The following COL24A1 variants were observed in gnomAD, a reference collection of about 807,000 sequenced individuals.
The protein encoded by COL24A1 is collagen alpha-1(XXIV) chain.
A neutral mutation model predicts 253.9 loss-of-function variants in COL24A1; 224 were observed. The ratio of observed to expected loss-of-function variants is 0.88; its 90% confidence interval spans 0.79 to 0.99. COL24A1 has a LOEUF of 0.99. Ranked by LOEUF, COL24A1 falls within the 50% of genes least tolerant of loss-of-function variation. The pLI is 0.00. For synonymous variants in COL24A1, 685 were observed against 673.7 expected (o/e 1.02, Z -0.26); for missense variants, 2,131 against 2,068.5 (o/e 1.03, Z -0.59).
chr1:85,964,146 G>A (rs532772283), intron 23 of COL24A1, among the ~76,000 whole-genome samples: 12 of 152,176 alleles, frequency 7.9e-5, no homozygotes, highest in East Asian at 5.8e-4. Flanking sequence ...TTCAGGAAAC[G>A]TAGTAATAAT....
At chr1:86,053,199 G>A (rs1480168565) in intron 10 of COL24A1, among the ~76,000 whole-genome samples, 1 of 151,986 alleles carries the variant, frequency 6.6e-6, no homozygotes, top group Non-Finnish European at 1.5e-5. Context: ...TGTAAAGTCA[G>A]CTAACATTTG....
At chr1:86,034,064 A>G (rs888273266) in intron 12 of COL24A1, 141 bp from the exon 13 acceptor site, 2 of 549,630 alleles carry the variant, frequency 3.6e-6, no homozygotes, top group African/African-American at 4.0e-5. Context: ...TTTGCATAAC[A>G]CGCTTAATTG....
intron 43 of COL24A1, among the ~76,000 whole-genome samples, chr1:85,836,092 T>C (rs963760798): frequency 6.6e-6 from 1 of 152,194 alleles, no homozygotes; most frequent in Non-Finnish European, 1.5e-5. Context: ...TCTTAACCCA[T>C]ACCTTTGCCC....
At chr1:86,035,879 C>T (rs1468790213) in intron 12 of COL24A1, among the ~76,000 whole-genome samples, 3 of 152,086 alleles carry the variant, frequency 2.0e-5, no homozygotes, top group Non-Finnish European at 4.4e-5. Flanking sequence ...AAACTGTTCT[C>T]TGGCTCACCT....
chr1:85,828,438 T>C (rs1006508919), intron 43 of COL24A1, among the ~76,000 whole-genome samples: 5 of 151,406 alleles, frequency 3.3e-5, no homozygotes, highest in African/African-American at 1.2e-4. Flanking sequence ...GTCTATTAGG[T>C]CTGCTTGGTG....
intron 31 of COL24A1, among the ~76,000 whole-genome samples, chr1:85,895,630 T>C (rs1441664041): frequency 6.6e-6 from 1 of 152,180 alleles, no homozygotes; most frequent in African/African-American, 2.4e-5. Context: ...AGAACTTATA[T>C]TCTTTTAGTC....
intron 37 of COL24A1, among the ~76,000 whole-genome samples, chr1:85,859,174 C>A (rs1476923721): frequency 6.6e-6 from 1 of 152,146 alleles, no homozygotes; most frequent in Non-Finnish European, 1.5e-5. Flanking sequence ...GTAACATTAA[C>A]ATTCATAACT....
chr1:86,090,433 A>T (rs1260497835), intron 6 of COL24A1, among the ~76,000 whole-genome samples: 1 of 152,198 alleles, frequency 6.6e-6, no homozygotes, highest in Non-Finnish European at 1.5e-5. Context: ...AACCTTGTGT[A>T]TGATCTATTA....
At chr1:85,818,177 A>T in intron 45 of COL24A1, 90 bp from the exon 46 acceptor site, 1 of 930,986 alleles carries the variant, frequency 1.1e-6, no homozygotes, top group South Asian at 1.4e-5. Flanking sequence ...TGGACGCTGC[A>T]GCAAGAACTA....
At chr1:86,151,924 A>G (rs1652831352) in intron 1 of COL24A1, among the ~76,000 whole-genome samples, 1 of 152,178 alleles carries the variant, frequency 6.6e-6, no homozygotes, top group Non-Finnish European at 1.5e-5. Context: ...ACAAATCTGA[A>G]AGACACACAC....
chr1:85,767,592 T>C (rs1212760912), intron 53 of COL24A1, among the ~76,000 whole-genome samples: 2 of 152,078 alleles, frequency 1.3e-5, no homozygotes, highest in African/African-American at 2.4e-5. Flanking sequence ...CAGTTATCAG[T>C]TACTCAACAA....
chr1:85,861,896 T>G (rs1395709206), intron 37 of COL24A1, among the ~76,000 whole-genome samples: 2 of 152,198 alleles, frequency 1.3e-5, no homozygotes, highest in African/African-American at 4.8e-5. Flanking sequence ...CCTTTTAGTT[T>G]TCTAAAAATA....
intron 2 of COL24A1, among the ~76,000 whole-genome samples, chr1:86,141,940 G>A (rs577664144): frequency 1.3e-5 from 2 of 151,808 alleles, no homozygotes; most frequent in East Asian, 3.9e-4. Flanking sequence ...CTCAGATAAT[G>A]TACCCGCCTC....
intron 32 of COL24A1, among the ~76,000 whole-genome samples, chr1:85,889,123 T>C (rs759694298): frequency 5.9e-5 from 9 of 152,146 alleles, no homozygotes; most frequent in Non-Finnish European, 1.2e-4. Context: ...TTTTGTACTG[T>C]TGATGTAACT....
At chr1:85,992,272 A>C (rs920208506) in intron 19 of COL24A1, among the ~76,000 whole-genome samples, 1 of 152,164 alleles carries the variant, frequency 6.6e-6, no homozygotes, top group South Asian at 2.1e-4. Context: ...TTATGGCTGC[A>C]TAGTATTCCA....
intron 23 of COL24A1, among the ~76,000 whole-genome samples, chr1:85,961,794 AAAGG>A (rs1691097407): frequency 6.6e-6 from 1 of 152,170 alleles, no homozygotes; most frequent in Non-Finnish European, 1.5e-5. Context: ...GAGTGAGAGC[AAAGG>A]GTGAAGTGCC....
chr1:85,904,645 T>C lies in COL24A1; in HGVS notation c.2778+2549A>G, dbSNP rs138147770. On this transcript the variant is annotated intron_variant, in intron 28 of 59. Transcript: ENST00000370571. ...ATAAATAATAATACTTTAAAGTTTA[T>C]GCCATGTTTCTTATCTAAGAATCTC... is the stretch of plus-strand genomic sequence containing the variant. Among the ~76,000 whole-genome samples, 164 of 152,320 alleles carry C rather than the reference T, an allele frequency of 1.1e-3. 1 individual carries two copies. The highest frequency in any genetic ancestry group is 3.7e-3 in the African/African-American group (154 of 41,572).
intron 24 of COL24A1, among the ~76,000 whole-genome samples, chr1:85,912,967 T>A (rs113851496): frequency 0.012 from 1,808 of 152,336 alleles, 29 homozygotes; most frequent in African/African-American, 0.04. Context: ...TTTCTTTTTA[T>A]CTTTTTTAAT....
chr1:86,153,035 T>C (rs1463562829), intron 1 of COL24A1, among the ~76,000 whole-genome samples: 2 of 152,182 alleles, frequency 1.3e-5, no homozygotes, highest in African/African-American at 4.8e-5. Context: ...TTCCCTAGAA[T>C]GTGTACTCCA....
Sources: gnomAD v4.1 joint callset for allele counts (sites outside exome capture counted in the v4.1 genomes callset) on GRCh38, gnomAD v4.1.1 for gene constraint, MANE v1.5 for transcripts, NCBI Gene and HGNC (gene_info 2026-07-23, HGNC 2026-07-21) for gene names.